Variants in PRKDC observed in about 807,000 individuals in gnomAD.
PRKDC encodes the protein DNA-dependent protein kinase catalytic subunit.
In PRKDC, 82 loss-of-function variants were observed where a neutral mutation model predicts 486.9. The ratio of observed to expected loss-of-function variants is 0.17; its 90% confidence interval spans 0.14 to 0.20. The LOEUF (loss-of-function observed/expected upper bound fraction) is 0.20, where lower values mean the gene tolerates loss of function less well. PRKDC is among the 10% of genes least tolerant of loss of function. The pLI, the probability that PRKDC is intolerant of heterozygous loss-of-function variation, is 1.00. For missense variants in PRKDC, 4,504 were observed against 5,038.2 expected (o/e 0.89, Z 3.21); for synonymous variants, 1,895 against 1,837.0 (o/e 1.03, Z -0.81).
In PRKDC at chr8:47,834,836, G is replaced by A. The variant is rs368843000; in HGVS notation, c.7952-440C>T. Among the ~76,000 whole-genome samples, 125 of 151,646 alleles carry A rather than the reference G, an allele frequency of 8.2e-4. 2 individuals are homozygous for A. In the East Asian group the frequency reaches 0.021, roughly 25 times the overall value. On this transcript the variant is annotated intron_variant, in intron 58 of 85. Transcript: ENST00000314191. ...CTCCCGAGTAGCTGGGACTACAGGCGCCCGCTACCACGCCCGGCTAATTTT... is the reference window on the plus strand; with the variant it reads ...CTCCCGAGTAGCTGGGACTACAGGCACCCGCTACCACGCCCGGCTAATTTT...
intron 74 of PRKDC, among the ~76,000 whole-genome samples, chr8:47,792,281 C>T (rs2086894869): frequency 1.4e-5 from 2 of 139,966 alleles, no homozygotes; most frequent in African/African-American, 5.4e-5. Flanking sequence ...TTTGTTGAGA[C>T]AGAGTTTTGC....
chr8:47,915,184 G>T, intron 23 of PRKDC, 144 bp downstream of exon 23: 2 of 512,036 alleles, frequency 3.9e-6, no homozygotes, highest in Non-Finnish European at 6.6e-6. Flanking sequence ...AAACCATTAG[G>T]CAAGATATTA....
chr8:47,947,385 T>C (rs1414666771), intron 7 of PRKDC, among the ~76,000 whole-genome samples: 1 of 152,238 alleles, frequency 6.6e-6, no homozygotes, highest in Non-Finnish European at 1.5e-5. Flanking sequence ...TTTGTTCATC[T>C]GTCTCCTCCA....
intron 36 of PRKDC, among the ~76,000 whole-genome samples, chr8:47,882,394 C>T (rs1243301051): frequency 2.0e-5 from 3 of 152,168 alleles, no homozygotes; most frequent in Non-Finnish European, 4.4e-5. Flanking sequence ...ACCACCACCA[C>T]TGTACATGCA....
intron 8 of PRKDC, 42 bp downstream of exon 8, chr8:47,943,931 TG>T (rs2090487329): frequency 6.4e-7 from 1 of 1,560,480 alleles, no homozygotes; most frequent in African/African-American, 1.4e-5. Context: ...AAGTCTGCAC[TG>T]TAAAGGCATT....
At chr8:47,803,982 G>A (rs1050150457) in intron 69 of PRKDC, among the ~76,000 whole-genome samples, 2 of 150,472 alleles carry the variant, frequency 1.3e-5, no homozygotes, top group Admixed American at 1.3e-4. Flanking sequence ...GTACAATTCA[G>A]TATTTTTTAG....
intron 74 of PRKDC, among the ~76,000 whole-genome samples, chr8:47,792,254 A>ATT (rs757370500): frequency 2.4e-4 from 33 of 139,456 alleles, no homozygotes; most frequent in Non-Finnish European, 3.9e-4. Flanking sequence ...CCACAGTAAA[A>ATT]TTTTTTTTTT....
chr8:47,777,262 G>A (rs1055316461), intron 84 of PRKDC, among the ~76,000 whole-genome samples: 4 of 151,854 alleles, frequency 2.6e-5, no homozygotes, highest in Admixed American at 6.6e-5. Flanking sequence ...AGGCTGGAGT[G>A]CAGTGGCGTG....
At chr8:47,889,649 T>C (rs879336420) in intron 32 of PRKDC, among the ~76,000 whole-genome samples, 9 of 152,256 alleles carry the variant, frequency 5.9e-5, no homozygotes, top group Non-Finnish European at 8.8e-5. Flanking sequence ...GATACATCTA[T>C]AAATATTTGC....
chr8:47,857,087 T>C (rs1387825700), intron 49 of PRKDC, 69 bp downstream of exon 49: 5 of 1,459,946 alleles, frequency 3.4e-6, no homozygotes, highest in South Asian at 1.5e-5. Context: ...ACCTGAATTA[T>C]GTGTCATAGG....
At chr8:47,792,550 A>C (rs933766298) in intron 74 of PRKDC, among the ~76,000 whole-genome samples, 1 of 151,980 alleles carries the variant, frequency 6.6e-6, no homozygotes, top group African/African-American at 2.4e-5. Context: ...GAGCCACCGC[A>C]CCCGGCCTGA....
At chr8:47,856,223 G>C (rs1417055990) in intron 49 of PRKDC, among the ~76,000 whole-genome samples, 1 of 152,020 alleles carries the variant, frequency 6.6e-6, no homozygotes, top group African/African-American at 2.4e-5. Context: ...TTTTGTGGTG[G>C]GGGGGTGGTG....
chr8:47,797,500 A>T (rs1455055817), intron 73 of PRKDC, among the ~76,000 whole-genome samples: 1 of 151,946 alleles, frequency 6.6e-6, no homozygotes, highest in Non-Finnish European at 1.5e-5. Context: ...TTATTTAAAA[A>T]CTCACCATGC....
At chr8:47,801,088 T>C (rs956988969) in intron 70 of PRKDC, 102 bp from the exon 71 acceptor site, 13 of 1,200,816 alleles carry the variant, frequency 1.1e-5, no homozygotes, top group African/African-American at 1.5e-5. Context: ...TCTTTTGTTT[T>C]TGGGATAGGG....
At chr8:47,905,112 T>C (rs2089754201) in intron 25 of PRKDC, 136 bp from the exon 26 acceptor site, 2 of 623,752 alleles carry the variant, frequency 3.2e-6, no homozygotes, top group Admixed American at 3.2e-5. Context: ...TTTCCTTTTT[T>C]AGTTCAGGCT....
intron 4 of PRKDC, among the ~76,000 whole-genome samples, chr8:47,954,657 G>A (rs1022463569): frequency 6.6e-6 from 1 of 152,174 alleles, no homozygotes; most frequent in African/African-American, 2.4e-5. Flanking sequence ...GGGAATTAGA[G>A]GTTGAGATGG....
rs2154499282 is a variant in PRKDC at position 47,828,243 on chromosome 8, T to G, written c.8502A>C (p.Gln2834His). Residue 2834 changes from glutamine (Q) to histidine (H), a missense_variant, in exon 62 of 86, where the codon CAA (glutamine) becomes CAC (histidine). This residue lies in a region of PRKDC where 1,592 missense variants were observed against 1,724.6 expected (regional missense o/e 0.92). Coordinates refer to ENST00000314191, the MANE Select transcript of PRKDC (RefSeq NM_006904.7). ...AACGATTGAAGTCTTGAAGCAACTT[T>G]TGAGTGATGTTGTTTTTTTCAGACA... ...KTLSEKNNITQKLLQDFNRFL... is the reference protein window; with the variant it reads ...KTLSEKNNITHKLLQDFNRFL... 6.2e-7 allele frequency: 1 copy of G among 1,613,586 alleles called. No homozygotes were observed. The highest frequency in any genetic ancestry group is 8.5e-7 in the Non-Finnish European group (1 of 1,179,708).
intron 38 of PRKDC, 21 bp downstream of exon 38, chr8:47,881,395 A>C: frequency 7.5e-7 from 1 of 1,339,440 alleles, no homozygotes; most frequent in Non-Finnish European, 1.0e-6. Flanking sequence ...AATCCAAAAA[A>C]ATAAATATTT....
Position 47,930,711 on chromosome 8 carries a change from T to C in PRKDC, c.1853A>G (p.Lys618Arg). The change falls in exon 17 of 86, where the codon AAA becomes AGA. Residue 618 changes from lysine to arginine, a missense_variant. By Grantham distance (26) the Lys-to-Arg change is conservative. Coordinates refer to ENST00000314191, the MANE Select transcript of PRKDC (RefSeq NM_006904.7). ...PAANLHPAKPKDFSAFINLVE... is the reference protein window; with the variant it reads ...PAANLHPAKPRDFSAFINLVE... ...CAGGTTAATGAAAGCCGAAAAATCT[T>C]TAGGTTTAGCTGGATGCAAGTTAGC... 1.9e-6 allele frequency: 3 copies of C among 1,587,372 alleles called. No individual in the cohort carries two copies. Among genetic ancestry groups the C allele is most frequent in the Non-Finnish European group, 2.6e-6 (3 of 1,166,252 alleles).
Sources: gnomAD v4.1 joint callset for allele counts (sites outside exome capture counted in the v4.1 genomes callset) on GRCh38, gnomAD v4.1.1 for gene constraint, gnomAD v4.1.1 regional missense constraint, MANE v1.5 for transcripts, NCBI Gene and HGNC (gene_info 2026-07-23, HGNC 2026-07-21) for gene names.